The following ATRNL1 variants were observed in gnomAD, a reference collection of about 807,000 sequenced individuals.
ATRNL1 encodes the protein attractin like 1.
A neutral mutation model predicts 182.7 loss-of-function variants in ATRNL1; 95 were observed. That is an observed-to-expected ratio of 0.52 (90% CI 0.44 to 0.62). The LOEUF (loss-of-function observed/expected upper bound fraction) is 0.62. Among genes scored for constraint, ATRNL1 ranks in the 20% least tolerant of loss-of-function variants. ATRNL1 has a pLI of 0.00. For missense variants in ATRNL1, 1,471 were observed against 1,679.5 expected, an observed-to-expected ratio of 0.88 and a Z score of 2.17; for synonymous variants, 576 against 568.3, an observed-to-expected ratio of 1.01 and a Z score of -0.19.
At chr10:115,131,216 CTGTGTG>C (rs576998028) in intron 5 of ATRNL1, among the ~76,000 whole-genome samples, 1 of 151,454 alleles carries the variant, frequency 6.6e-6, no homozygotes, top group Non-Finnish European at 1.5e-5. Context: ...AACTACTTGT[CTGTGTG>C]TGTGTATGTG....
At chr10:115,322,957 G>A (rs1482065891) in intron 18 of ATRNL1, among the ~76,000 whole-genome samples, 3 of 151,914 alleles carry the variant, frequency 2.0e-5, no homozygotes, top group Non-Finnish European at 4.4e-5. Flanking sequence ...GGGTCTTTTT[G>A]TGGATCTCTT....
chr10:115,295,599 C>T (rs148360002), intron 15 of ATRNL1, among the ~76,000 whole-genome samples: 115 of 152,204 alleles, frequency 7.6e-4, no homozygotes, highest in African/African-American at 2.6e-3. Flanking sequence ...GGCATGTAGC[C>T]GCTCCTCTGG....
At chr10:115,795,690 C>CA (rs1162233116) in intron 27 of ATRNL1, among the ~76,000 whole-genome samples, 1 of 152,008 alleles carries the variant, frequency 6.6e-6, no homozygotes, top group Non-Finnish European at 1.5e-5. Context: ...AGAGAGACAG[C>CA]AAAAGAGGAG....
intron 5 of ATRNL1, among the ~76,000 whole-genome samples, chr10:115,148,061 A>G (rs1392446954): frequency 1.3e-5 from 2 of 152,210 alleles, no homozygotes; most frequent in Admixed American, 6.5e-5. Flanking sequence ...TTTTAACAAT[A>G]TTAATTCTCC....
At chr10:115,559,448 G>GCGCA (rs1554998511) in intron 26 of ATRNL1, among the ~76,000 whole-genome samples, 57 of 51,702 alleles carry the variant, frequency 1.1e-3, no homozygotes, top group African/African-American at 3.1e-3. Flanking sequence ...GTGTGTGCGC[G>GCGCA]CGCGCACGCA....
chr10:115,864,826 C>A (rs1012228313), intron 28 of ATRNL1, among the ~76,000 whole-genome samples: 1 of 151,812 alleles, frequency 6.6e-6, no homozygotes, highest in Non-Finnish European at 1.5e-5. Context: ...ATGAAAAATA[C>A]AAAAAATTAG....
intron 27 of ATRNL1, among the ~76,000 whole-genome samples, chr10:115,814,578 C>T (rs1032468833): frequency 1.3e-5 from 2 of 152,052 alleles, no homozygotes; most frequent in East Asian, 1.9e-4. Flanking sequence ...TTAAAATGAG[C>T]GATTGCTCAC....
At chr10:115,595,925 C>T (rs1856210569) in intron 26 of ATRNL1, among the ~76,000 whole-genome samples, 1 of 152,002 alleles carries the variant, frequency 6.6e-6, no homozygotes, top group Non-Finnish European at 1.5e-5. Flanking sequence ...AATCACCAGT[C>T]CTAACTACTT....
At chr10:115,462,128 C>A in intron 22 of ATRNL1, 93 bp downstream of exon 22, 2 of 767,044 alleles carry the variant, frequency 2.6e-6, no homozygotes, top group South Asian at 2.1e-5. Flanking sequence ...AGAATTATCA[C>A]ATTGTAGGGC....
At chr10:115,227,324 A>G (rs782329934) in intron 9 of ATRNL1, among the ~76,000 whole-genome samples, 2 of 152,142 alleles carry the variant, frequency 1.3e-5, no homozygotes, top group African/African-American at 4.8e-5. Flanking sequence ...AAAATGGTCA[A>G]CATCACTAAT....
At chr10:115,407,559 GATTTC>G (rs1844893635) in intron 20 of ATRNL1, among the ~76,000 whole-genome samples, 1 of 151,964 alleles carries the variant, frequency 6.6e-6, no homozygotes, top group Non-Finnish European at 1.5e-5. Flanking sequence ...CGAACGACAG[GATTTC>G]CTTCTTTTTA....
chr10:115,576,194 A>G (rs782141925), intron 26 of ATRNL1, among the ~76,000 whole-genome samples: 8 of 152,042 alleles, frequency 5.3e-5, no homozygotes, highest in Non-Finnish European at 1.0e-4. Flanking sequence ...GCTGCAGTGA[A>G]CATGGATCAC....
At chr10:115,151,116 T>C (rs1846206722) in intron 5 of ATRNL1, among the ~76,000 whole-genome samples, 1 of 152,242 alleles carries the variant, frequency 6.6e-6, no homozygotes, top group African/African-American at 2.4e-5. Context: ...TAATCCAGTC[T>C]ATCATTGATG....
intron 5 of ATRNL1, among the ~76,000 whole-genome samples, chr10:115,151,462 C>T (rs193079299): frequency 0.023 from 3,475 of 152,300 alleles, 46 homozygotes; most frequent in South Asian, 0.035. Context: ...TTGCATTTCT[C>T]TGATGGCCAG....
At chr10:115,802,051 A>ACACACAAC (rs1412039169) in intron 27 of ATRNL1, among the ~76,000 whole-genome samples, 129 of 11,236 alleles carry the variant, frequency 0.011, no homozygotes, top group African/African-American at 0.033. Flanking sequence ...CACACAAAAC[A>ACACACAAC]AAAAAAAACA....
At chr10:115,498,620 A>C (rs1279157210) in intron 24 of ATRNL1, among the ~76,000 whole-genome samples, 2 of 151,970 alleles carry the variant, frequency 1.3e-5, no homozygotes, top group Non-Finnish European at 2.9e-5. Context: ...GTGAAAACAG[A>C]ATAGCAACTA....
At chr10:115,139,177 C>A (rs1554877395) in intron 5 of ATRNL1, among the ~76,000 whole-genome samples, 1 of 152,190 alleles carries the variant, frequency 6.6e-6, no homozygotes, top group Non-Finnish European at 1.5e-5. Flanking sequence ...TTGTCAAAGT[C>A]ATTCGACAAG....
At chr10:115,393,563 T>G (rs1324537579) in intron 19 of ATRNL1, among the ~76,000 whole-genome samples, 1 of 152,082 alleles carries the variant, frequency 6.6e-6, no homozygotes, top group Non-Finnish European at 1.5e-5. Context: ...GTAGTTCTCA[T>G]TAGGTGTTTT....
intron 28 of ATRNL1, among the ~76,000 whole-genome samples, chr10:115,885,716 G>A (rs2620951): frequency 0.98 from 148,585 of 152,302 alleles, 72,568 homozygotes; most frequent in East Asian, 1. Context: ...TACTTCTTGC[G>A]ACCTGCATTT....
Sources: gnomAD v4.1 joint callset for allele counts (sites outside exome capture counted in the v4.1 genomes callset) on GRCh38, gnomAD v4.1.1 for gene constraint, MANE v1.5 for transcripts, NCBI Gene and HGNC (gene_info 2026-07-23, HGNC 2026-07-21) for gene names.